The following HS6ST3 variants were observed in gnomAD, a reference collection of about 807,000 sequenced individuals.
HS6ST3 encodes the protein heparan-sulfate 6-O-sulfotransferase 3.
In HS6ST3, 12 loss-of-function variants were observed where a neutral mutation model predicts 36.7. The observed-to-expected ratio is 0.33, with a 90% CI of 0.21 to 0.53. The LOEUF is 0.53. Among genes scored for constraint, HS6ST3 ranks in the 20% least tolerant of loss-of-function variants. HS6ST3 has a pLI of 0.95. For synonymous variants in HS6ST3, 240 were observed against 257.5 expected, an observed-to-expected ratio of 0.93 and a Z score of 0.65; for missense variants, 584 against 640.9, an observed-to-expected ratio of 0.91 and a Z score of 0.96.
At chr13:96,343,354 C>T (rs1272949076) in intron 1 of HS6ST3, among the ~76,000 whole-genome samples, 4 of 152,310 alleles carry the variant, frequency 2.6e-5, no homozygotes, top group Middle Eastern at 3.4e-3. Context: ...CTTGCCTTAC[C>T]CAGCTTCTAG....
At chr13:96,441,633 T>C (rs1450198055) in intron 1 of HS6ST3, among the ~76,000 whole-genome samples, 5 of 152,146 alleles carry the variant, frequency 3.3e-5, no homozygotes, top group African/African-American at 1.2e-4. Flanking sequence ...AAAGTTATAA[T>C]TGGCCTCCTC....
intron 1 of HS6ST3, among the ~76,000 whole-genome samples, chr13:96,757,980 T>G (rs940729927): frequency 6.6e-6 from 1 of 152,046 alleles, no homozygotes; most frequent in Non-Finnish European, 1.5e-5. Flanking sequence ...TATGTAGAGG[T>G]GTACATATTT....
intron 1 of HS6ST3, among the ~76,000 whole-genome samples, chr13:96,093,586 T>C (rs550015854): frequency 6.6e-6 from 1 of 150,800 alleles, no homozygotes; most frequent in Non-Finnish European, 1.5e-5. Flanking sequence ...AAAAAAAAAA[T>C]TTTTTTTTGG....
At chr13:96,719,095 A>G (rs1003496008) in intron 1 of HS6ST3, among the ~76,000 whole-genome samples, 4 of 152,144 alleles carry the variant, frequency 2.6e-5, no homozygotes, top group African/African-American at 9.7e-5. Flanking sequence ...TAACACGGTT[A>G]AACCCCATCT....
intron 1 of HS6ST3, among the ~76,000 whole-genome samples, chr13:96,247,468 C>T (rs2054589955): frequency 1.3e-5 from 2 of 151,980 alleles, no homozygotes; most frequent in Non-Finnish European, 2.9e-5. Context: ...GTGGCAAGTT[C>T]CTCTTTGCAC....
intron 1 of HS6ST3, among the ~76,000 whole-genome samples, chr13:96,156,812 A>G (rs2054112758): frequency 6.6e-6 from 1 of 152,200 alleles, no homozygotes; most frequent in Non-Finnish European, 1.5e-5. Context: ...CAGTAATTAC[A>G]TGAGAAAATA....
At chr13:96,789,375 A>G (rs1594860486) in intron 1 of HS6ST3, among the ~76,000 whole-genome samples, 1 of 151,916 alleles carries the variant, frequency 6.6e-6, no homozygotes, top group East Asian at 1.9e-4. Context: ...CAGTCTGACA[A>G]TGTTACAATT....
chr13:96,410,935 A>G (rs2055504425), intron 1 of HS6ST3, among the ~76,000 whole-genome samples: 1 of 152,186 alleles, frequency 6.6e-6, no homozygotes, highest in Non-Finnish European at 1.5e-5. Flanking sequence ...ATGCTTTGCT[A>G]CACAGCTTGA....
Position 96,690,301 on chromosome 13 carries a change from A to G in HS6ST3, c.708-142189A>G, listed in dbSNP as rs145466794. ...AACATTTGGTTTGATTACTCAGGTT[A>G]TAATTTATATGCAGACATAATAGAC... On this transcript the variant is annotated intron_variant, in intron 1 of 1. Transcript: ENST00000376705. Among the ~76,000 whole-genome samples the G allele has an allele frequency of 1.3e-4, 20 of 152,246 alleles. No homozygotes were observed. The East Asian group carries it at 3.3e-3, about 25-fold the overall frequency.
chr13:96,338,586 G>A (rs550923747), intron 1 of HS6ST3, among the ~76,000 whole-genome samples: 4 of 152,168 alleles, frequency 2.6e-5, no homozygotes, highest in Admixed American at 6.5e-5. Flanking sequence ...TCAGTTGTTC[G>A]TATGCTGCCC....
chr13:96,349,928 C>T (rs1280412647), intron 1 of HS6ST3, among the ~76,000 whole-genome samples: 1 of 152,116 alleles, frequency 6.6e-6, no homozygotes, highest in Non-Finnish European at 1.5e-5. Context: ...TCATCTAACT[C>T]CAGTTCAGGT....
At chr13:96,362,832 A>G (rs1480637425) in intron 1 of HS6ST3, among the ~76,000 whole-genome samples, 2 of 152,238 alleles carry the variant, frequency 1.3e-5, no homozygotes, top group African/African-American at 4.8e-5. Flanking sequence ...GCAACTATTG[A>G]TATATGCAAC....
intron 1 of HS6ST3, among the ~76,000 whole-genome samples, chr13:96,253,869 T>C (rs2054619122): frequency 6.6e-6 from 1 of 152,168 alleles, no homozygotes; most frequent in South Asian, 2.1e-4. Flanking sequence ...ATCTTGTCAT[T>C]CTTATTCTCT....
intron 1 of HS6ST3, among the ~76,000 whole-genome samples, chr13:96,403,466 A>T (rs940839037): frequency 2.0e-5 from 3 of 152,104 alleles, no homozygotes; most frequent in Admixed American, 6.6e-5. Context: ...AGTGATCATC[A>T]TTTGCAGATG....
chr13:96,474,438 G>A (rs2055853679), intron 1 of HS6ST3, among the ~76,000 whole-genome samples: 1 of 152,182 alleles, frequency 6.6e-6, no homozygotes, highest in African/African-American at 2.4e-5. Flanking sequence ...CTTAGATGAA[G>A]AGCAAATATA....
At chr13:96,351,613 G>A (rs1163845908) in intron 1 of HS6ST3, among the ~76,000 whole-genome samples, 1 of 152,066 alleles carries the variant, frequency 6.6e-6, no homozygotes, top group East Asian at 1.9e-4. Flanking sequence ...TGCCTGGTTG[G>A]TGACAGTGTT....
chr13:96,653,830 G>A (rs2056615541), intron 1 of HS6ST3, among the ~76,000 whole-genome samples: 1 of 152,176 alleles, frequency 6.6e-6, no homozygotes, highest in South Asian at 2.1e-4. Flanking sequence ...CACCAACAGT[G>A]TAAAAGCGTT....
intron 1 of HS6ST3, among the ~76,000 whole-genome samples, chr13:96,171,541 C>T (rs2054187835): frequency 6.6e-6 from 1 of 152,208 alleles, no homozygotes; most frequent in Non-Finnish European, 1.5e-5. Context: ...CAATCTCATA[C>T]TATATTTGAA....
intron 1 of HS6ST3, among the ~76,000 whole-genome samples, chr13:96,184,077 T>G (rs747785255): frequency 1.3e-5 from 2 of 151,762 alleles, no homozygotes; most frequent in African/African-American, 2.4e-5. Context: ...GGTGCATGCC[T>G]GTAGTCTCAG....
Sources: gnomAD v4.1 joint callset for allele counts (sites outside exome capture counted in the v4.1 genomes callset) on GRCh38, gnomAD v4.1.1 for gene constraint, MANE v1.5 for transcripts, NCBI Gene and HGNC (gene_info 2026-07-23, HGNC 2026-07-21) for gene names.